The following PNPLA2 variants were observed in gnomAD, a reference collection of about 807,000 sequenced individuals.
PNPLA2 encodes patatin-like phospholipase domain-containing protein 2.
PNPLA2 carries 28 observed loss-of-function variants against 39.7 expected under a neutral mutation model. The ratio of observed to expected loss-of-function variants is 0.70; its 90% confidence interval spans 0.52 to 0.97. PNPLA2 has a LOEUF of 0.97. Among genes scored for constraint, PNPLA2 ranks in the 50% least tolerant of loss-of-function variants. PNPLA2 has a pLI of 0.00. For synonymous variants in PNPLA2, 392 were observed against 321.1 expected, an observed-to-expected ratio of 1.22 and a Z score of -2.36; for missense variants, 768 against 698.2, an observed-to-expected ratio of 1.10 and a Z score of -1.13.
Position 819,608 on chromosome 11 carries a change from G to C in PNPLA2, c.-111G>C. Reference sequence around the variant, plus strand: ...CTCCGCCAGCGGGGACCCCGAGCTAGAGCCGCAGCGGGACCTGCCCGGCCC... The same window carrying C: ...CTCCGCCAGCGGGGACCCCGAGCTACAGCCGCAGCGGGACCTGCCCGGCCC... On this transcript the variant is annotated 5_prime_UTR_variant, in exon 2 of 10. Coordinates refer to ENST00000336615, the MANE Select transcript of PNPLA2 (RefSeq NM_020376.4). 6 of 1,293,894 alleles carry C rather than the reference G, an allele frequency of 4.6e-6. No homozygotes were observed. Among genetic ancestry groups the C allele is most frequent in the Non-Finnish European group, 5.0e-6 (5 of 1,008,182 alleles). The allele number at this position is 1,293,894 out of a possible 1,614,324, so 80.2% of individuals were successfully genotyped here.
At chr11:823,496 C>T (rs1436358077) in intron 5 of PNPLA2, 31 bp from the exon 6 acceptor site, 2 of 1,587,466 alleles carry the variant, frequency 1.3e-6, no homozygotes, top group African/African-American at 2.7e-5. Flanking sequence ...TCCCTGGCTC[C>T]CTCCGCTCCA....
chr11:821,982 C>T lies in PNPLA2; in HGVS notation c.445C>T (p.Pro149Ser). ...GGCCAATGTCTGCAGCGGTTTCATCCCCGTGTACTGTGGGCTCATCCCTCC... is the reference window on the plus strand; with the variant it reads ...GGCCAATGTCTGCAGCGGTTTCATCTCCGTGTACTGTGGGCTCATCCCTCC... Reference protein sequence around the residue: ...IQANVCSGFIPVYCGLIPPSL... With the variant: ...IQANVCSGFISVYCGLIPPSL... The change falls in exon 4 of 10, where the codon CCC becomes TCC. Residue 149 changes from proline (P) to serine (S), a missense_variant. Coordinates refer to ENST00000336615, the MANE Select transcript of PNPLA2 (RefSeq NM_020376.4). The T allele has an allele frequency of 1.2e-6, 2 of 1,613,912 alleles. No homozygotes were observed. Among genetic ancestry groups the T allele is most frequent in the Non-Finnish European group, 1.7e-6 (2 of 1,179,984 alleles).
chr11:819,708 C>A lies in PNPLA2; in HGVS notation c.-11C>A. The A allele has an allele frequency of 6.8e-7, 1 of 1,479,042 alleles. No homozygotes were observed. The highest frequency in any genetic ancestry group is 2.3e-5 in the Admixed American group (1 of 43,004). The allele number at this position is 1,479,042 out of a possible 1,614,324, so 91.6% of individuals were successfully genotyped here. The stretch of plus-strand genomic sequence containing the variant: ...GCCCACGGAACCCGGGGCCCGGCGG[C>A]CGCCGCCGCGATGTTTCCCCGCGAG... On this transcript the variant is annotated 5_prime_UTR_variant, in exon 2 of 10. Transcript: ENST00000336615.
intron 2 of PNPLA2, chr11:821,401 G>A (rs564593245): frequency 3.3e-6 from 2 of 600,242 alleles, no homozygotes; most frequent in Non-Finnish European, 5.9e-6. Context: ...AGGGCAGGCA[G>A]TTGGGAAATA....
Position 825,122 on chromosome 11 carries a change from C to A in PNPLA2, c.*260C>A, listed in dbSNP as rs1255463920. On this transcript the variant is annotated 3_prime_UTR_variant, in exon 10 of 10. Transcript: ENST00000336615. ...CCCTTTACTCCTGAGAACTTTGCAG[C>A]TGCCCTTCCCTCCCCGTTTTTCATG... 6 of 563,658 alleles carry A rather than the reference C, an allele frequency of 1.1e-5. No individual in the cohort carries two copies. The highest frequency in any genetic ancestry group is 4.5e-4 in the Middle Eastern group (1 of 2,232). The allele number at this position is 563,658 out of a possible 1,614,324, so 34.9% of individuals were successfully genotyped here. A position where few individuals can be genotyped will look rare whatever the true frequency, so the allele number is the denominator to read the frequency against.
At chr11:824,158 G>A (rs1390385255) in intron 8 of PNPLA2, 28 bp downstream of exon 8, 3 of 1,579,804 alleles carry the variant, frequency 1.9e-6, no homozygotes, top group East Asian at 2.3e-5. Flanking sequence ...TCGGGAGAGG[G>A]GCCCAGGGGA....
Position 824,093 on chromosome 11 carries a change from A to G in PNPLA2, c.1015A>G (p.Thr339Ala). Residue 339 changes from threonine (T) to alanine (A), a missense_variant, in exon 8 of 10, where the codon ACG becomes GCG. Thr to Ala is a moderately conservative substitution (Grantham distance 58). Coordinates refer to ENST00000336615, the MANE Select transcript of PNPLA2 (RefSeq NM_020376.4). ...GGCCACGGCCATGATGGTGCCCTACACGCTGCCGCTGGAGAGCGCTCTGTC... is the reference window on the plus strand; with the variant it reads ...GGCCACGGCCATGATGGTGCCCTACGCGCTGCCGCTGGAGAGCGCTCTGTC... ...RLATAMMVPY[T>A]LPLESALSFT... The G allele has an allele frequency of 1.2e-6, 2 of 1,604,602 alleles. No individual in the cohort carries two copies. Among genetic ancestry groups the G allele is most frequent in the East Asian group, 2.2e-5 (1 of 44,472 alleles).
In PNPLA2 at chr11:819,777, T is replaced by C; in HGVS notation, c.59T>C (p.Val20Ala). Residue 20 changes from valine to alanine, a missense_variant, in exon 2 of 10, where the codon GTC becomes GCC. Transcript: ENST00000336615. ...ISFAGCGFLG[V>A]YYVGVASCLR... ...TTCGCGGGCTGCGGCTTCCTCGGCG[T>C]CTACTACGTCGGCGTGGCCTCCTGC... The C allele has an allele frequency of 6.6e-7, 1 of 1,516,880 alleles. No homozygotes were observed. The highest frequency in any genetic ancestry group is 8.8e-7 in the Non-Finnish European group (1 of 1,133,168). 94.0% of individuals were successfully genotyped at this position (1,516,880 alleles called of 1,614,324 possible).
chr11:825,038 G>A lies in PNPLA2; in HGVS notation c.*176G>A, dbSNP rs1296285788. The A allele has an allele frequency of 1.5e-6, 1 of 658,352 alleles. No individual in the cohort carries two copies. 40.8% of individuals were successfully genotyped at this position (658,352 alleles called of 1,614,324 possible). The stretch of plus-strand genomic sequence containing the variant: ...CACACCCCTCCCCTGGGCCGCTGAG[G>A]CCCCGCGCACCTGTGCCTTAATCTT... On this transcript the variant is annotated 3_prime_UTR_variant, in exon 10 of 10. Coordinates refer to ENST00000336615, the MANE Select transcript of PNPLA2 (RefSeq NM_020376.4).
intron 2 of PNPLA2, 32 bp downstream of exon 2, chr11:819,937 C>T: frequency 1.5e-6 from 2 of 1,299,378 alleles, no homozygotes; most frequent in East Asian, 6.3e-5. Flanking sequence ...AGGCGGGGGG[C>T]TGGCGGGAAG....
chr11:824,196 G>T, intron 8 of PNPLA2, 66 bp downstream of exon 8: 1 of 1,554,388 alleles, frequency 6.4e-7, no homozygotes, highest in East Asian at 2.4e-5. Context: ...CGCGAGTGAT[G>T]GTTACCAGGG....
Position 825,107 on chromosome 11 carries a change from C to T in PNPLA2, c.*245C>T, listed in dbSNP as rs1431151649. 3.6e-5 allele frequency: 21 copies of T among 575,902 alleles called. No individual in the cohort carries two copies. The East Asian group carries it at 3.9e-4, about 11-fold the overall frequency. The allele number at this position is 575,902 out of a possible 1,614,324, so 35.7% of individuals were successfully genotyped here. A position where few individuals can be genotyped will look rare whatever the true frequency, so the allele number is the denominator to read the frequency against. Reference sequence around the variant, plus strand: ...GAGCACCTCCCCCGCCCCTTTACTCCTGAGAACTTTGCAGCTGCCCTTCCC... The same window carrying T: ...GAGCACCTCCCCCGCCCCTTTACTCTTGAGAACTTTGCAGCTGCCCTTCCC... On this transcript the variant is annotated 3_prime_UTR_variant, in exon 10 of 10. Coordinates refer to ENST00000336615, the MANE Select transcript of PNPLA2 (RefSeq NM_020376.4).
chr11:823,348 C>T (rs1418366743), intron 5 of PNPLA2, among the ~76,000 whole-genome samples, 179 bp from the exon 6 acceptor site: 6 of 152,324 alleles, frequency 3.9e-5, no homozygotes, highest in South Asian at 2.1e-4. Flanking sequence ...TAAGCCACTG[C>T]GCCCGGCTTT....
chr11:819,937 C>A, intron 2 of PNPLA2, 32 bp downstream of exon 2: 4 of 1,299,376 alleles, frequency 3.1e-6, no homozygotes, highest in African/African-American at 3.1e-5. Flanking sequence ...AGGCGGGGGG[C>A]TGGCGGGAAG....
Position 819,614 on chromosome 11 carries a change from C to T in PNPLA2, c.-105C>T. ...CAGCGGGGACCCCGAGCTAGAGCCG[C>T]AGCGGGACCTGCCCGGCCCCCGGCT... On this transcript the variant is annotated 5_prime_UTR_variant, in exon 2 of 10. Coordinates refer to ENST00000336615, the MANE Select transcript of PNPLA2 (RefSeq NM_020376.4). 2 of 1,296,160 alleles carry T rather than the reference C, an allele frequency of 1.5e-6. No individual in the cohort carries two copies. Among genetic ancestry groups the T allele is most frequent in the Middle Eastern group, 2.8e-4 (1 of 3,560 alleles). 80.3% of individuals were successfully genotyped at this position (1,296,160 alleles called of 1,614,324 possible).
rs1358312978 is a variant in PNPLA2 at position 821,992 on chromosome 11, G to A, written c.455G>A (p.Cys152Tyr). 1 of 1,613,862 alleles carries A rather than the reference G, an allele frequency of 6.2e-7. No individual in the cohort carries two copies. Among genetic ancestry groups the A allele is most frequent in the Admixed American group, 1.7e-5 (1 of 60,014 alleles). Residue 152 changes from cysteine to tyrosine, a missense_variant, in exon 4 of 10, where the codon TGT (cysteine) becomes TAT (tyrosine). Cys to Tyr is a radical substitution (Grantham distance 194). Coordinates refer to ENST00000336615, the MANE Select transcript of PNPLA2 (RefSeq NM_020376.4). ...TGCAGCGGTTTCATCCCCGTGTACT[G>A]TGGGCTCATCCCTCCCTCCCTCCAG... ...NVCSGFIPVYCGLIPPSLQGV... is the reference protein window; with the variant it reads ...NVCSGFIPVYYGLIPPSLQGV...
Position 823,513 on chromosome 11 carries a change from C to T in PNPLA2, c.697-14C>T. 5 of 1,603,430 alleles carry T rather than the reference C, an allele frequency of 3.1e-6. No individual in the cohort carries two copies. The highest frequency in any genetic ancestry group is 4.3e-6 in the Non-Finnish European group (5 of 1,175,666). ...CCTGGCTCCCTCCGCTCCATTTAAC[C>T]CTCCTCACTGCAGGTGCTGCGAGAG... On this transcript the variant is annotated splice_polypyrimidine_tract_variant and intron_variant, in intron 5 of 9. Transcript: ENST00000336615.
Position 823,706 on chromosome 11 carries a change from G to C in PNPLA2, c.770G>C (p.Arg257Pro), listed in dbSNP as rs753134238. 6.2e-7 allele frequency: 1 copy of C among 1,607,494 alleles called. No individual in the cohort carries two copies. The highest frequency in any genetic ancestry group is 8.5e-7 in the Non-Finnish European group (1 of 1,177,610). ...RFLQRNGLLN[R>P]PNPLLALPPA... is the part of the protein sequence containing the mutation. ...TCCCCAACCCCAGGCCTCCTGAACC[G>C]GCCCAACCCCTTGCTGGCGTTGCCC... Residue 257 changes from arginine to proline, a missense_variant, in exon 7 of 10, where the codon CGG (arginine) becomes CCG (proline). Arg to Pro is a moderately radical substitution (Grantham distance 103). Transcript: ENST00000336615.
chr11:822,206 C>T (rs1433299372), intron 4 of PNPLA2, 183 bp downstream of exon 4: 26 of 755,788 alleles, frequency 3.4e-5, no homozygotes, highest in East Asian at 3.2e-4. Flanking sequence ...TCCCTTCCTC[C>T]GTCCCTGCCC....
Sources: allele counts gnomAD v4.1 joint callset (sites outside exome capture counted in the v4.1 genomes callset), GRCh38; gene constraint gnomAD v4.1.1; transcripts MANE v1.5; gene names NCBI Gene and HGNC (gene_info 2026-07-23, HGNC 2026-07-21).